The following NECTIN2 variants were observed in gnomAD, a reference collection of about 807,000 sequenced individuals.
NECTIN2 encodes the protein nectin cell adhesion molecule 2.
Under a neutral mutation model 56.9 loss-of-function variants are expected in NECTIN2, and 23 were observed. That is an observed-to-expected ratio of 0.40 (90% CI 0.29 to 0.57). NECTIN2 has a LOEUF of 0.57. Among genes scored for constraint, NECTIN2 ranks in the 20% least tolerant of loss-of-function variants. The pLI, the probability that NECTIN2 is intolerant of heterozygous loss-of-function variation, is 0.38. For missense variants in NECTIN2, 587 were observed against 718.3 expected, an observed-to-expected ratio of 0.82 and a Z score of 2.09; for synonymous variants, 302 against 313.8, an observed-to-expected ratio of 0.96 and a Z score of 0.40.
chr19:44,866,266 A>G (rs907060829), intron 2 of NECTIN2, among the ~76,000 whole-genome samples: 2 of 151,796 alleles, frequency 1.3e-5, no homozygotes, highest in African/African-American at 2.4e-5. Context: ...GCTTGAGCCC[A>G]TGGTGGTGCG....
In NECTIN2 at chr19:44,846,479, G is replaced by A; in HGVS notation, c.-47G>A. On this transcript the variant is annotated 5_prime_UTR_variant, in exon 1 of 9. In the 5' UTR this introduces an upstream ATG that the reference lacks. Transcript: ENST00000252483. ...CGCCCAGCCGATCGGCCCCCACAGA[G>A]TGGCCCGCGGGCCTCCGGCCGGGCC... 2 of 1,420,224 alleles carry A rather than the reference G, an allele frequency of 1.4e-6. No individual in the cohort carries two copies. The highest frequency in any genetic ancestry group is 1.8e-6 in the Non-Finnish European group (2 of 1,097,732). The allele number at this position is 1,420,224 out of a possible 1,614,324, so 88.0% of individuals were successfully genotyped here.
At chr19:44,879,302 G>C (rs1222561407) in intron 5 of NECTIN2, among the ~76,000 whole-genome samples, 1 of 152,022 alleles carries the variant, frequency 6.6e-6, no homozygotes, top group African/African-American at 2.4e-5. Context: ...GGGTGGAGGT[G>C]GGGGTGGGGA....
chr19:44,864,647 C>T (rs1222567258), intron 1 of NECTIN2, among the ~76,000 whole-genome samples: 2 of 152,074 alleles, frequency 1.3e-5, no homozygotes, highest in Non-Finnish European at 2.9e-5. Context: ...AGTGAAACCC[C>T]ATCTCTACTA....
intron 6 of NECTIN2, among the ~76,000 whole-genome samples, chr19:44,884,030 G>A (rs1969334768): frequency 6.6e-6 from 1 of 151,824 alleles, no homozygotes; most frequent in African/African-American, 2.4e-5. Flanking sequence ...TGAGGTGGGG[G>A]TGGGGGCATG....
At chr19:44,878,813 G>A in intron 5 of NECTIN2, 1 of 1,379,998 alleles carries the variant, frequency 7.2e-7, no homozygotes, top group South Asian at 1.8e-5. Context: ...GGGCTGCATG[G>A]GGAGCCCGGG....
chr19:44,859,993 G>GTCCA (rs1395191181), intron 1 of NECTIN2, among the ~76,000 whole-genome samples: 4 of 152,194 alleles, frequency 2.6e-5, no homozygotes, highest in African/African-American at 9.7e-5. Flanking sequence ...ACAAAATGTG[G>GTCCA]TCCGTCCATG....
At chr19:44,846,692 T>G in intron 1 of NECTIN2, 79 bp downstream of exon 1, 3 of 1,442,086 alleles carry the variant, frequency 2.1e-6, no homozygotes, top group Non-Finnish European at 2.7e-6. Flanking sequence ...GCCGAGCACC[T>G]TCCCCGCCCA....
In NECTIN2 at chr19:44,865,155, C is replaced by A; in HGVS notation, c.89-116C>A. 8.7e-7 allele frequency: 1 copy of A among 1,155,556 alleles called. No homozygotes were observed. Among genetic ancestry groups the A allele is most frequent in the Non-Finnish European group, 1.2e-6 (1 of 815,406 alleles). The allele number at this position is 1,155,556 out of a possible 1,614,324, so 71.6% of individuals were successfully genotyped here. On this transcript the variant is annotated intron_variant, in intron 1 of 8. Transcript: ENST00000252483. The surrounding 1 kb of genome is among the most constrained non-coding windows in gnomAD (Gnocchi z 5.2). ...TGGAATCAGGATGCTGCGAAGCTGCCTACGTTGCATGCGGAGCCTGCATTT... is the reference window on the plus strand; with the variant it reads ...TGGAATCAGGATGCTGCGAAGCTGCATACGTTGCATGCGGAGCCTGCATTT...
intron 5 of NECTIN2, chr19:44,878,185 T>C (rs1969262602): frequency 1.1e-5 from 7 of 630,004 alleles, no homozygotes; most frequent in African/African-American, 1.9e-5. Context: ...TGTGTCTCCC[T>C]TTCTCTCTCT....
At chr19:44,876,369 G>A (rs532108520) in intron 5 of NECTIN2, among the ~76,000 whole-genome samples, 7 of 152,212 alleles carry the variant, frequency 4.6e-5, no homozygotes, top group East Asian at 1.9e-4. Context: ...GTCAGAGCCT[G>A]CAGAACACAG....
rs1241214623 is a variant in NECTIN2 at position 44,865,037 on chromosome 19, CAT to C, written c.89-231_89-230del. ...GGAACATGAACAGCAATTCCAAAATCATATGTAATATGAACTCATAGTACACG... is the reference window on the plus strand; with the variant it reads ...GGAACATGAACAGCAATTCCAAAATCATGTAATATGAACTCATAGTACACG... On this transcript the variant is annotated intron_variant, in intron 1 of 8. Transcript: ENST00000252483. The surrounding 1 kb of genome is among the most constrained non-coding windows in gnomAD (Gnocchi z 5.2). Among the ~76,000 whole-genome samples the C allele has an allele frequency of 7.9e-5, 12 of 152,328 alleles. No homozygotes were observed. Among genetic ancestry groups the C allele is most frequent in the Middle Eastern group, 3.4e-3 (1 of 294 alleles).
At chr19:44,881,636 G>A (rs972426313) in intron 5 of NECTIN2, among the ~76,000 whole-genome samples, 3 of 152,110 alleles carry the variant, frequency 2.0e-5, no homozygotes, top group Non-Finnish European at 2.9e-5. Flanking sequence ...ACAGTTGGTG[G>A]TGATCATGCC....
rs990681207 is a variant in NECTIN2, at chr19:44,875,688, G to T, written c.1042+1210G>T. ...GTGTAGGGACAAACTCCCAGACAGG[G>T]GCTGTCCCTGTCATGCAGACAGACT... is the stretch of plus-strand genomic sequence containing the variant. On this transcript the variant is annotated intron_variant, in intron 5 of 8. Coordinates refer to ENST00000252483, the MANE Select transcript of NECTIN2 (RefSeq NM_001042724.2). The surrounding 1 kb of genome is among the most constrained non-coding windows in gnomAD (Gnocchi z 4.2). Among the ~76,000 whole-genome samples, 2 of 152,150 alleles carry T rather than the reference G, an allele frequency of 1.3e-5. No individual in the cohort carries two copies. Among genetic ancestry groups the T allele is most frequent in the African/African-American group, 4.8e-5 (2 of 41,432 alleles).
At chr19:44,858,412 C>T (rs921065668) in intron 1 of NECTIN2, among the ~76,000 whole-genome samples, 5 of 151,912 alleles carry the variant, frequency 3.3e-5, no homozygotes, top group African/African-American at 9.7e-5. Context: ...GTGGCGAGGT[C>T]TCTGGGTTCA....
chr19:44,854,854 G>C (rs528729680), intron 1 of NECTIN2, among the ~76,000 whole-genome samples: 1 of 149,886 alleles, frequency 6.7e-6, no homozygotes, highest in Non-Finnish European at 1.5e-5. Flanking sequence ...TGCCGGGCGC[G>C]GTGGCTCACG....
chr19:44,854,354 A>G (rs1362434251), intron 1 of NECTIN2, among the ~76,000 whole-genome samples: 1 of 151,946 alleles, frequency 6.6e-6, no homozygotes, highest in South Asian at 2.1e-4. Context: ...AAGTTCTGGG[A>G]TTACAGGCTT....
At chr19:44,848,460 T>C (rs1968862293) in intron 1 of NECTIN2, among the ~76,000 whole-genome samples, 1 of 152,178 alleles carries the variant, frequency 6.6e-6, no homozygotes, top group African/African-American at 2.4e-5. Context: ...GAAGTGCCTC[T>C]GAGTTTCCAT....
intron 6 of NECTIN2, among the ~76,000 whole-genome samples, chr19:44,883,731 T>C (rs1159669095): frequency 6.6e-6 from 1 of 151,766 alleles, no homozygotes; most frequent in Non-Finnish European, 1.5e-5. Flanking sequence ...GAGGCTGGGG[T>C]GGGAGGTCAC....
At chr19:44,867,177 C>T (rs911027961) in intron 2 of NECTIN2, among the ~76,000 whole-genome samples, 6 of 152,002 alleles carry the variant, frequency 3.9e-5, no homozygotes, top group Non-Finnish European at 5.9e-5. Flanking sequence ...CACCACCACA[C>T]CTAGCTAAAT....
Sources: allele counts gnomAD v4.1 joint callset (sites outside exome capture counted in the v4.1 genomes callset), GRCh38; gene constraint gnomAD v4.1.1; non-coding constraint Gnocchi (gnomAD v3.1); transcripts MANE v1.5; gene names NCBI Gene and HGNC (gene_info 2026-07-23, HGNC 2026-07-21).